The following RABGAP1L variants were observed in gnomAD, a reference collection of about 807,000 sequenced individuals.
RABGAP1L encodes rab GTPase-activating protein 1-like.
In RABGAP1L, 63 loss-of-function variants were observed where a neutral mutation model predicts 137.7. That is an observed-to-expected ratio of 0.46 (90% CI 0.37 to 0.56). The LOEUF is 0.56. Ranked by LOEUF, RABGAP1L falls within the 20% of genes least tolerant of loss-of-function variation. The probability of loss-of-function intolerance (pLI) is 0.00; values close to 1 mark genes in which losing one functional copy is unlikely to be tolerated. For synonymous variants in RABGAP1L, 431 were observed against 433.7 expected, an observed-to-expected ratio of 0.99 and a Z score of 0.08; for missense variants, 1,095 against 1,244.0, an observed-to-expected ratio of 0.88 and a Z score of 1.80.
At chr1:174,723,873 G>A (rs1295954892) in intron 17 of RABGAP1L, among the ~76,000 whole-genome samples, 2 of 152,112 alleles carry the variant, frequency 1.3e-5, no homozygotes, top group African/African-American at 4.8e-5. Context: ...TAAATAGGAG[G>A]CCACTGAAAG....
intron 14 of RABGAP1L, among the ~76,000 whole-genome samples, chr1:174,653,706 A>T (rs564532486): frequency 2.0e-5 from 3 of 152,250 alleles, no homozygotes; most frequent in Middle Eastern, 6.8e-3. Flanking sequence ...AGCTGTTTCT[A>T]TTTGTTCATC....
chr1:174,929,899 G>A lies in RABGAP1L; in HGVS notation c.2341-27558G>A, dbSNP rs1245203366. ...AGGGTCTTGCTCTGTCTCCCAGGCTGGAGTGCAGTGATGCAATCTCAGCTC... is the reference window on the plus strand; with the variant it reads ...AGGGTCTTGCTCTGTCTCCCAGGCTAGAGTGCAGTGATGCAATCTCAGCTC... On this transcript the variant is annotated intron_variant, in intron 19 of 25. Coordinates refer to ENST00000681986, the MANE Select transcript of RABGAP1L (RefSeq NM_001366446.1). 2.1e-5 allele frequency among the ~76,000 whole-genome samples: 3 copies of A among 142,536 alleles called. No homozygotes were observed. The East Asian group carries it at 6.1e-4, about 29-fold the overall frequency. The allele number at this position is 142,536 out of a possible 152,430, so 93.5% of individuals were successfully genotyped here. A position where few individuals can be genotyped will look rare whatever the true frequency, so the allele number is the denominator to read the frequency against.
intron 9 of RABGAP1L, 137 bp downstream of exon 9, chr1:174,276,072 T>C: frequency 1.7e-6 from 1 of 588,264 alleles, no homozygotes; most frequent in South Asian, 2.4e-5. Flanking sequence ...TTCATTTTTA[T>C]TCTTTATGCT....
chr1:174,657,235 T>C, intron 14 of RABGAP1L, among the ~76,000 whole-genome samples: 1 of 152,210 alleles, frequency 6.6e-6, no homozygotes, highest in Non-Finnish European at 1.5e-5. Flanking sequence ...ATCTGAAATA[T>C]TTATCATTTC....
intron 13 of RABGAP1L, among the ~76,000 whole-genome samples, chr1:174,553,634 G>A (rs1459089389): frequency 6.6e-6 from 1 of 152,118 alleles, no homozygotes; most frequent in East Asian, 1.9e-4. Context: ...TAAAACTATA[G>A]ACCATTATTT....
intron 11 of RABGAP1L, among the ~76,000 whole-genome samples, chr1:174,341,273 G>A (rs537393984): frequency 1.2e-4 from 19 of 152,032 alleles, no homozygotes; most frequent in Non-Finnish European, 2.4e-4. Flanking sequence ...GCCTCACTTC[G>A]CAACTCCCCA....
chr1:174,316,805 G>T (rs1679415722), intron 11 of RABGAP1L, among the ~76,000 whole-genome samples: 1 of 152,068 alleles, frequency 6.6e-6, no homozygotes, highest in South Asian at 2.1e-4. Flanking sequence ...AGGGACCTTA[G>T]AATTCTACCT....
chr1:174,395,310 T>A (rs1647688387), intron 13 of RABGAP1L, among the ~76,000 whole-genome samples: 1 of 152,190 alleles, frequency 6.6e-6, no homozygotes, highest in African/African-American at 2.4e-5. Context: ...TTACAGGTTA[T>A]CTAGATGTAA....
chr1:174,255,309 A>C (rs1673030646), intron 7 of RABGAP1L, among the ~76,000 whole-genome samples: 1 of 152,220 alleles, frequency 6.6e-6, no homozygotes, highest in Non-Finnish European at 1.5e-5. Flanking sequence ...TATTTTGCAT[A>C]CAGGAACCTT....
At chr1:174,280,747 T>G (rs1038495572) in intron 10 of RABGAP1L, among the ~76,000 whole-genome samples, 2 of 152,214 alleles carry the variant, frequency 1.3e-5, no homozygotes, top group African/African-American at 4.8e-5. Flanking sequence ...AACTAGAGGC[T>G]GGGAAAGTAA....
chr1:174,441,087 A>G (rs1452613401), intron 13 of RABGAP1L, among the ~76,000 whole-genome samples: 3 of 150,376 alleles, frequency 2.0e-5, no homozygotes, highest in Non-Finnish European at 3.0e-5. Flanking sequence ...AACATATCCA[A>G]TATATAAATA....
chr1:174,719,544 A>G (rs998107692), intron 17 of RABGAP1L, among the ~76,000 whole-genome samples: 4 of 152,186 alleles, frequency 2.6e-5, no homozygotes, highest in African/African-American at 9.6e-5. Context: ...GTTGTTGGTT[A>G]CACTTTTTCT....
chr1:174,225,772 A>C (rs916767871), intron 3 of RABGAP1L, among the ~76,000 whole-genome samples: 1 of 152,118 alleles, frequency 6.6e-6, no homozygotes. Flanking sequence ...TTTCTTTCTT[A>C]GAGTTTTTGC....
chr1:174,704,813 T>C (rs1295076056), intron 17 of RABGAP1L, among the ~76,000 whole-genome samples: 2 of 152,328 alleles, frequency 1.3e-5, no homozygotes, highest in African/African-American at 2.4e-5. Context: ...ATTATCCAAA[T>C]TGGTGTAGTG....
intron 11 of RABGAP1L, among the ~76,000 whole-genome samples, chr1:174,347,488 TGTGTG>T (rs1558151234): frequency 1.3e-5 from 2 of 151,546 alleles, no homozygotes. Context: ...TGTGTGTGTG[TGTGTG>T]TGTGTGTTTT....
At chr1:174,982,195 A>G (rs2149387929) in intron 23 of RABGAP1L, among the ~76,000 whole-genome samples, 1 of 152,218 alleles carries the variant, frequency 6.6e-6, no homozygotes, top group South Asian at 2.1e-4. Context: ...CAGTTTTGTT[A>G]CATAGGTATA....
intron 12 of RABGAP1L, among the ~76,000 whole-genome samples, chr1:174,380,076 A>G (rs1450129144): frequency 6.8e-6 from 1 of 146,654 alleles, no homozygotes; most frequent in Middle Eastern, 3.2e-3. Flanking sequence ...CTCTGTTTAT[A>G]TGCTGGATTA....
chr1:174,864,108 C>T (rs1311751696), intron 19 of RABGAP1L, among the ~76,000 whole-genome samples: 2 of 152,142 alleles, frequency 1.3e-5, no homozygotes, highest in Non-Finnish European at 2.9e-5. Flanking sequence ...AAATTGAAGT[C>T]GTTGCTATTA....
intron 20 of RABGAP1L, 127 bp downstream of exon 20, chr1:174,957,676 C>A: frequency 1.0e-6 from 1 of 962,376 alleles, no homozygotes; most frequent in Non-Finnish European, 1.6e-6. Context: ...TCCAGTCTCC[C>A]AAGTAGCTGG....
Sources: gnomAD v4.1 joint callset for allele counts (sites outside exome capture counted in the v4.1 genomes callset) on GRCh38, gnomAD v4.1.1 for gene constraint, MANE v1.5 for transcripts, NCBI Gene and HGNC (gene_info 2026-07-23, HGNC 2026-07-21) for gene names.